CCND3: variants seen among roughly 807,000 people sequenced by gnomAD.
The protein encoded by CCND3 is G1/S-specific cyclin-D3.
Under a neutral mutation model 28.7 loss-of-function variants are expected in CCND3, and 9 were observed. The ratio of observed to expected loss-of-function variants is 0.31; its 90% CI spans 0.19 to 0.55. The LOEUF (loss-of-function observed/expected upper bound fraction) is 0.55. CCND3 is among the 20% of genes least tolerant of loss of function. The pLI is 0.93. For missense variants in CCND3, 315 were observed against 385.8 expected, an observed-to-expected ratio of 0.82 and a Z score of 1.54; for synonymous variants, 164 against 163.9, an observed-to-expected ratio of 1.00 and a Z score of 0.00.
chr6:41,981,854 A>C (rs1217112064), intron 1 of CCND3, among the ~76,000 whole-genome samples: 1 of 152,138 alleles, frequency 6.6e-6, no homozygotes, highest in African/African-American at 2.4e-5. Context: ...CAAAAGTCAA[A>C]GCCAGGCACA....
chr6:42,026,099 A>G (rs1365345000), intron 1 of CCND3, among the ~76,000 whole-genome samples: 2 of 152,104 alleles, frequency 1.3e-5, no homozygotes, highest in African/African-American at 2.4e-5. Flanking sequence ...GGGATAAGCT[A>G]TCTGTCAATT....
intron 1 of CCND3, chr6:42,010,916 A>C (rs1763327936): frequency 6.6e-6 from 1 of 152,034 alleles, no homozygotes. Flanking sequence ...GCACAGTTTT[A>C]GTTTCACAGG....
Position 42,048,465 on chromosome 6 carries a change from C to T in CCND3, c.-46+36G>A, listed in dbSNP as rs751842545. Reference sequence around the variant, plus strand: ...CATGGTCTCCAGCCTGAGCTGACATCCCATCTACCCCGGTTTCTCCAGCAC... The same window carrying T: ...CATGGTCTCCAGCCTGAGCTGACATTCCATCTACCCCGGTTTCTCCAGCAC... On this transcript the variant is annotated intron_variant, in intron 1 of 4. Coordinates refer to the CCND3 transcript ENST00000372988. This position sits in a 1 kb window ranked among gnomAD's most constrained non-coding sequence, Gnocchi z 4.7. 2.1e-5 allele frequency: 10 copies of T among 482,662 alleles called. No individual in the cohort carries two copies. Among genetic ancestry groups the T allele is most frequent in the African/African-American group, 1.8e-4 (9 of 50,968 alleles). 29.9% of individuals were successfully genotyped at this position (482,662 alleles called of 1,614,324 possible).
intron 1 of CCND3, among the ~76,000 whole-genome samples, chr6:42,001,117 C>A (rs1338940911): frequency 6.7e-6 from 1 of 150,268 alleles, no homozygotes; most frequent in East Asian, 2.0e-4. Flanking sequence ...CATCTGTAGT[C>A]CCAGCTACTG....
At position 42,033,448 on chromosome 6, in the gene CCND3, TAA is replaced by T. The variant is rs1175853279; in HGVS notation, c.-46+15051_-46+15052del. 3.4e-3 allele frequency among the ~76,000 whole-genome samples: 429 copies of T among 126,716 alleles called. 3 individuals carry two copies. The highest frequency in any genetic ancestry group is 8.2e-3 in the African/African-American group (283 of 34,586). The allele number at this position is 126,716 out of a possible 152,430, so 83.1% of individuals were successfully genotyped here. A position where few individuals can be genotyped will look rare whatever the true frequency, so the allele number is the denominator to read the frequency against. Reference sequence around the variant, plus strand: ...CTGTGTGACAAAGCGAGACTCCATCTAAAAAAAAAATATATATATATGTGTAT... The same window carrying T: ...CTGTGTGACAAAGCGAGACTCCATCTAAAAAAAATATATATATATGTGTAT... On this transcript the variant is annotated intron_variant, in intron 1 of 4. Transcript: ENST00000372988.
At position 42,048,015 on chromosome 6, in the gene CCND3, C is replaced by T. The variant is rs541495145; in HGVS notation, c.-46+486G>A. ...TTAATGCTCCCTTAGTAACAGCAAC[C>T]AATTTATTCAGTTATTCCTCTTGTT... On this transcript the variant is annotated intron_variant, in intron 1 of 4. Transcript: ENST00000372988. The surrounding 1 kb of genome is among the most constrained non-coding windows in gnomAD (Gnocchi z 4.7). The T allele has an allele frequency of 2.0e-5, 3 of 153,274 alleles. No individual in the cohort carries two copies. The highest frequency in any genetic ancestry group is 7.2e-5 in the African/African-American group (3 of 41,548). The allele number at this position is 153,274 out of a possible 1,614,324, so 9.5% of individuals were successfully genotyped here. A position where few individuals can be genotyped will look rare whatever the true frequency, so the allele number is the denominator to read the frequency against.
chr6:41,940,859 T>A, intron 1 of CCND3: 1 of 1,240,124 alleles, frequency 8.1e-7, no homozygotes, highest in Non-Finnish European at 1.2e-6. Context: ...GAGACTCCCC[T>A]CCCCCACAGC....
In CCND3 at chr6:41,941,768, C is replaced by T. The variant is rs1776037778; in HGVS notation, c.-119G>A. ...GCGCTGGCACTGCGCGGCGGATCCC[C>T]AGCCCGCCCGCCGCCCGCGCGCGCG... On this transcript the variant is annotated 5_prime_UTR_variant, in exon 1 of 5. Transcript: ENST00000372991. The surrounding 1 kb of genome is among the most constrained non-coding windows in gnomAD (Gnocchi z 6.1). The T allele has an allele frequency of 1.8e-6, 1 of 571,036 alleles. No homozygotes were observed. The highest frequency in any genetic ancestry group is 2.3e-6 in the Non-Finnish European group (1 of 433,290). 35.4% of individuals were successfully genotyped at this position (571,036 alleles called of 1,614,324 possible).
At chr6:42,023,769 AGGGTCCTGACCCT>A (rs1238124221) in intron 1 of CCND3, among the ~76,000 whole-genome samples, 1 of 152,220 alleles carries the variant, frequency 6.6e-6, no homozygotes, top group Non-Finnish European at 1.5e-5. Context: ...GGATGCAAGC[AGGGTCCTGACCCT>A]GTCACTGACC....
intron 1 of CCND3, among the ~76,000 whole-genome samples, chr6:41,980,269 G>T (rs1755730445): frequency 6.6e-6 from 1 of 151,914 alleles, no homozygotes; most frequent in African/African-American, 2.4e-5. Flanking sequence ...CTGAATAGCT[G>T]GGACTACAGG....
chr6:42,010,247 G>A (rs761257993), intron 1 of CCND3, among the ~76,000 whole-genome samples: 1 of 152,060 alleles, frequency 6.6e-6, no homozygotes, highest in Non-Finnish European at 1.5e-5. Flanking sequence ...CTCTTCACAC[G>A]CCCCCCAAAT....
chr6:42,038,566 A>G (rs4400214), intron 1 of CCND3, among the ~76,000 whole-genome samples: 1 of 150,754 alleles, frequency 6.6e-6, no homozygotes, highest in Non-Finnish European at 1.5e-5. Flanking sequence ...AAGCAAGAAG[A>G]GGGCATATCA....
intron 1 of CCND3, among the ~76,000 whole-genome samples, chr6:41,990,903 A>G (rs1167123995): frequency 6.6e-6 from 1 of 151,486 alleles, no homozygotes; most frequent in Non-Finnish European, 1.5e-5. Context: ...CTGGTTTTGA[A>G]CCCCTGACCT....
chr6:41,961,747 C>A (rs1294553057), intron 1 of CCND3, among the ~76,000 whole-genome samples: 1 of 152,098 alleles, frequency 6.6e-6, no homozygotes, highest in Admixed American at 6.6e-5. Context: ...TACCCTCCAC[C>A]CCAAACTCCC....
intron 1 of CCND3, among the ~76,000 whole-genome samples, chr6:42,043,646 C>T (rs770672644): frequency 6.6e-6 from 1 of 152,100 alleles, no homozygotes; most frequent in East Asian, 1.9e-4. Flanking sequence ...TGCAGTGAGC[C>T]GAGATCACGC....
At chr6:42,029,557 G>T in intron 1 of CCND3, among the ~76,000 whole-genome samples, 1 of 152,034 alleles carries the variant, frequency 6.6e-6, no homozygotes. Flanking sequence ...TCTCACTGGG[G>T]CCGGGCACAG....
chr6:41,964,066 AC>A (rs1362511807), intron 1 of CCND3, among the ~76,000 whole-genome samples: 1 of 152,204 alleles, frequency 6.6e-6, no homozygotes, highest in African/African-American at 2.4e-5. Flanking sequence ...AATAAAGTAT[AC>A]CCACCCCACA....
chr6:42,004,094 A>AC (rs1763109684), intron 1 of CCND3, among the ~76,000 whole-genome samples: 1 of 130,638 alleles, frequency 7.7e-6, no homozygotes, highest in African/African-American at 2.9e-5. Context: ...GTGTGTATGT[A>AC]TTTTTTTTTT....
At chr6:41,989,804 C>A (rs960544336) in intron 1 of CCND3, among the ~76,000 whole-genome samples, 1 of 152,016 alleles carries the variant, frequency 6.6e-6, no homozygotes, top group Non-Finnish European at 1.5e-5. Flanking sequence ...ATTCTATAAC[C>A]CGGCAGTTAT....
Sources: allele counts gnomAD v4.1 joint callset (sites outside exome capture counted in the v4.1 genomes callset), GRCh38; gene constraint gnomAD v4.1.1; non-coding constraint Gnocchi (gnomAD v3.1); transcripts MANE v1.5; gene names NCBI Gene and HGNC (gene_info 2026-07-23, HGNC 2026-07-21).